Variants in CXADR observed in about 807,000 individuals in gnomAD.
CXADR encodes the protein CXADR cell adhesion molecule.
In CXADR, 20 loss-of-function variants were observed where a neutral mutation model predicts 40.3. The ratio of observed to expected loss-of-function variants is 0.50; its 90% CI spans 0.35 to 0.72. The LOEUF is 0.72. Among genes scored for constraint, CXADR ranks in the 30% least tolerant of loss-of-function variants. CXADR has a pLI of 0.01. For synonymous variants in CXADR, 150 were observed against 161.3 expected (o/e 0.93, Z 0.53); for missense variants, 332 against 449.1 (o/e 0.74, Z 2.36).
chr21:17,622,489 T>C, the CXADR span, among the ~76,000 whole-genome samples: 4 of 152,188 alleles, frequency 2.6e-5, no homozygotes, highest in Admixed American at 6.5e-5. Flanking sequence ...CTATATATAA[T>C]GCATATATGT....
intron 3 of CXADR, among the ~76,000 whole-genome samples, chr21:17,553,674 T>C (rs1022401758): frequency 1.3e-5 from 2 of 148,790 alleles, no homozygotes; most frequent in African/African-American, 5.0e-5. Flanking sequence ...CAGGCTGGAG[T>C]GCAGTGGCAT....
the CXADR span, among the ~76,000 whole-genome samples, chr21:17,601,750 T>A: frequency 4.6e-5 from 7 of 152,190 alleles, no homozygotes; most frequent in Non-Finnish European, 7.3e-5. Flanking sequence ...CTATCTTCAG[T>A]TTTGCCCATT....
intron 7 of CXADR, among the ~76,000 whole-genome samples, chr21:17,584,963 A>T (rs763211125): frequency 2.0e-5 from 3 of 152,236 alleles, no homozygotes; most frequent in Non-Finnish European, 2.9e-5. Context: ...CTTCTTTAGA[A>T]GTGGTTGATG....
chr21:17,631,327 T>G, the CXADR span, among the ~76,000 whole-genome samples: 2 of 152,222 alleles, frequency 1.3e-5, no homozygotes, highest in Non-Finnish European at 2.9e-5. Flanking sequence ...TGAAAATGTC[T>G]GCTCTTACCC....
chr21:17,599,369 A>C, the CXADR span, among the ~76,000 whole-genome samples: 1 of 152,046 alleles, frequency 6.6e-6, no homozygotes, highest in Non-Finnish European at 1.5e-5. Flanking sequence ...TTTTAGAGAC[A>C]GGGTTTCACC....
At position 17,565,724 on chromosome 21, in the gene CXADR, G is replaced by A; in HGVS notation, c.*32G>A. ...CATATGTCTCATCTGTGCTCTCCGT[G>A]TTCCTTTCCTTTTTTTGATATATGA... On this transcript the variant is annotated 3_prime_UTR_variant, in exon 7 of 7. Coordinates refer to ENST00000284878, the MANE Select transcript of CXADR (RefSeq NM_001338.5). 6.3e-7 allele frequency: 1 copy of A among 1,583,528 alleles called. No homozygotes were observed. The highest frequency in any genetic ancestry group is 8.6e-7 in the Non-Finnish European group (1 of 1,164,802).
At chr21:17,549,748 A>C (rs925023089) in intron 2 of CXADR, among the ~76,000 whole-genome samples, 17 of 152,238 alleles carry the variant, frequency 1.1e-4, no homozygotes, top group Non-Finnish European at 4.4e-5. Context: ...TTAAAGGACT[A>C]CTAAGGTGTG....
intron 1 of CXADR, among the ~76,000 whole-genome samples, chr21:17,522,171 G>A (rs994336204): frequency 6.6e-6 from 1 of 150,990 alleles, no homozygotes; most frequent in Non-Finnish European, 1.5e-5. Flanking sequence ...TTTTGGAGAC[G>A]GAGTTTTGCT....
chr21:17,584,613 C>T (rs897153920), intron 7 of CXADR, among the ~76,000 whole-genome samples: 7 of 152,106 alleles, frequency 4.6e-5, no homozygotes, highest in Non-Finnish European at 1.0e-4. Flanking sequence ...GGGCGGATCA[C>T]GAGGTCAGGA....
At chr21:17,586,357 T>TTATA (rs200292013) in intron 7 of CXADR, among the ~76,000 whole-genome samples, 13 of 147,770 alleles carry the variant, frequency 8.8e-5, no homozygotes, top group African/African-American at 2.7e-4. Flanking sequence ...AAGCTAAAGT[T>TTATA]TATATGTATA....
the CXADR span, among the ~76,000 whole-genome samples, chr21:17,600,058 TC>T: frequency 6.6e-6 from 1 of 152,026 alleles, no homozygotes; most frequent in Middle Eastern, 3.4e-3. Context: ...GATGAAAAAA[TC>T]TTGTTATTCT....
chr21:17,596,898 C>T (rs1442741545), downstream of CXADR, among the ~76,000 whole-genome samples: 1 of 151,986 alleles, frequency 6.6e-6, no homozygotes, highest in African/African-American at 2.4e-5. Context: ...CTTGGGATAC[C>T]TTTTAGAAAA....
At chr21:17,601,723 A>G in the CXADR span, among the ~76,000 whole-genome samples, 9 of 152,238 alleles carry the variant, frequency 5.9e-5, no homozygotes. Context: ...TGACACTAAT[A>G]TAACAATGAC....
chr21:17,598,954 C>A, the CXADR span: 1 of 713,832 alleles, frequency 1.4e-6, no homozygotes. Flanking sequence ...GAACTTGACC[C>A]TACACATTTA....
intron 1 of CXADR, among the ~76,000 whole-genome samples, chr21:17,535,973 A>T (rs541957285): frequency 3.9e-4 from 59 of 152,268 alleles, no homozygotes; most frequent in Non-Finnish European, 6.3e-4. Flanking sequence ...GTGTCACTGC[A>T]CTCTAGCCTG....
At chr21:17,580,344 C>A (rs534842083) in intron 7 of CXADR, among the ~76,000 whole-genome samples, 2 of 152,222 alleles carry the variant, frequency 1.3e-5, no homozygotes, top group African/African-American at 2.4e-5. Flanking sequence ...CCAGGCCAGG[C>A]GTGTTGGCTA....
At chr21:17,585,104 A>AT (rs1459233803) in intron 7 of CXADR, among the ~76,000 whole-genome samples, 1 of 152,102 alleles carries the variant, frequency 6.6e-6, no homozygotes, top group Non-Finnish European at 1.5e-5. Flanking sequence ...TATTGTCTAT[A>AT]TTTTTTATGT....
downstream of CXADR, among the ~76,000 whole-genome samples, chr21:17,596,963 C>CT (rs996881162): frequency 6.6e-6 from 1 of 151,946 alleles, no homozygotes; most frequent in Non-Finnish European, 1.5e-5. Context: ...TTTGATAAAA[C>CT]TTTTTTAAAG....
At chr21:17,586,893 C>T (rs1400901065) in intron 7 of CXADR, among the ~76,000 whole-genome samples, 1 of 152,086 alleles carries the variant, frequency 6.6e-6, no homozygotes, top group Non-Finnish European at 1.5e-5. Flanking sequence ...CCTCCCTCCC[C>T]TCACCCCACA....
Sources: allele counts gnomAD v4.1 joint callset (sites outside exome capture counted in the v4.1 genomes callset), GRCh38; gene constraint gnomAD v4.1.1; transcripts MANE v1.5; gene names NCBI Gene and HGNC (gene_info 2026-07-23, HGNC 2026-07-21).